SAMD5: variants seen among roughly 807,000 people sequenced by gnomAD.
SAMD5 encodes the protein sterile alpha motif domain containing 5.
SAMD5 carries 13 observed loss-of-function variants against 11.3 expected under a neutral mutation model. The observed-to-expected ratio is 1.15, with a 90% CI of 0.75 to 1.83. The LOEUF (loss-of-function observed/expected upper bound fraction) is 1.83. SAMD5 is among the 40% of genes most tolerant of loss of function. SAMD5 has a pLI of 0.00. For synonymous variants in SAMD5, 129 were observed against 111.3 expected, an observed-to-expected ratio of 1.16 and a Z score of -1.00; for missense variants, 255 against 239.1, an observed-to-expected ratio of 1.07 and a Z score of -0.44.
At chr6:147,805,079 ATC>A in the SAMD5 span, among the ~76,000 whole-genome samples, 2 of 152,220 alleles carry the variant, frequency 1.3e-5, no homozygotes, top group African/African-American at 4.8e-5. Flanking sequence ...ACCCATGGCA[ATC>A]TCTTTCTTTT....
At chr6:147,660,053 A>G (rs1790625802) in intron 1 of SAMD5, among the ~76,000 whole-genome samples, 1 of 152,194 alleles carries the variant, frequency 6.6e-6, no homozygotes, top group Non-Finnish European at 1.5e-5. Context: ...TAGCCTTGCC[A>G]TTAACAACAT....
chr6:147,751,418 C>G, the SAMD5 span, among the ~76,000 whole-genome samples: 1 of 151,978 alleles, frequency 6.6e-6, no homozygotes, highest in African/African-American at 2.4e-5. Flanking sequence ...CTTGTTGTAT[C>G]CTCAGCACCT....
chr6:147,509,410 GC>G (rs778842796), intron 1 of SAMD5, 23 bp downstream of exon 1: 8 of 1,499,174 alleles, frequency 5.3e-6, no homozygotes, highest in Non-Finnish European at 7.1e-6. Context: ...CGTCCGGGCG[GC>G]CCGGGGCGCG....
chr6:147,905,390 A>T, the SAMD5 span, among the ~76,000 whole-genome samples: 1 of 152,148 alleles, frequency 6.6e-6, no homozygotes, highest in Admixed American at 6.5e-5. Context: ...CATGTTGGTC[A>T]GGCTGGGCTC....
chr6:147,528,484 C>A (rs1334812767), intron 1 of SAMD5, among the ~76,000 whole-genome samples: 1 of 152,092 alleles, frequency 6.6e-6, no homozygotes, highest in Non-Finnish European at 1.5e-5. Context: ...TATTGGGACC[C>A]ATCCTGTGAC....
the SAMD5 span, among the ~76,000 whole-genome samples, chr6:147,866,675 A>G: frequency 1.3e-5 from 2 of 152,088 alleles, no homozygotes; most frequent in Non-Finnish European, 2.9e-5. Flanking sequence ...TCTTTTACCC[A>G]CTCAATTTCA....
At chr6:147,923,103 T>C in the SAMD5 span, among the ~76,000 whole-genome samples, 1 of 151,920 alleles carries the variant, frequency 6.6e-6, no homozygotes, top group South Asian at 2.1e-4. Context: ...GAGAAGCAAA[T>C]GGGGTTACCG....
chr6:147,616,536 A>G (rs1789876407), intron 1 of SAMD5, among the ~76,000 whole-genome samples: 1 of 152,062 alleles, frequency 6.6e-6, no homozygotes, highest in Non-Finnish European at 1.5e-5. Flanking sequence ...ATACTTTCAG[A>G]ATATTAATTA....
chr6:147,762,391 G>A, the SAMD5 span, among the ~76,000 whole-genome samples: 1 of 151,746 alleles, frequency 6.6e-6, no homozygotes, highest in Non-Finnish European at 1.5e-5. Flanking sequence ...TAGAGACGGG[G>A]TGTCACCATG....
the SAMD5 span, among the ~76,000 whole-genome samples, chr6:147,921,719 A>G: frequency 1.9e-4 from 29 of 152,296 alleles, no homozygotes; most frequent in South Asian, 6.2e-4. Flanking sequence ...GCAACCACCC[A>G]GCTGACATTT....
At chr6:147,526,178 CTT>C (rs1302559699) in intron 1 of SAMD5, among the ~76,000 whole-genome samples, 1 of 152,188 alleles carries the variant, frequency 6.6e-6, no homozygotes, top group Non-Finnish European at 1.5e-5. Context: ...AGGGAAACCA[CTT>C]TAAAACTGGA....
chr6:147,801,672 T>C, the SAMD5 span, among the ~76,000 whole-genome samples: 1,874 of 152,236 alleles, frequency 0.012, 49 homozygotes, highest in African/African-American at 0.042. Flanking sequence ...CCACATTCAC[T>C]CTGGCTTCTA....
intron 1 of SAMD5, among the ~76,000 whole-genome samples, chr6:147,540,713 T>C (rs1788586336): frequency 6.6e-6 from 1 of 152,040 alleles, no homozygotes; most frequent in Non-Finnish European, 1.5e-5. Flanking sequence ...ATCCTTTTTC[T>C]GTTCATCAAA....
At chr6:147,646,436 A>G (rs1790402908) in intron 1 of SAMD5, among the ~76,000 whole-genome samples, 1 of 152,190 alleles carries the variant, frequency 6.6e-6, no homozygotes, top group Non-Finnish European at 1.5e-5. Flanking sequence ...ATTGGTAACT[A>G]TCACTTCTTA....
the SAMD5 span, among the ~76,000 whole-genome samples, chr6:147,748,393 G>A: frequency 1.3e-5 from 2 of 152,158 alleles, no homozygotes; most frequent in Non-Finnish European, 2.9e-5. Flanking sequence ...CCTCACCTGT[G>A]CCAAGGAAAT....
intron 1 of SAMD5, among the ~76,000 whole-genome samples, chr6:147,615,027 T>C (rs1429243821): frequency 2.0e-5 from 3 of 151,994 alleles, no homozygotes; most frequent in African/African-American, 4.8e-5. Flanking sequence ...ACTATTTACA[T>C]ACCATTTGCA....
At chr6:147,790,766 C>G in the SAMD5 span, among the ~76,000 whole-genome samples, 3 of 86,340 alleles carry the variant, frequency 3.5e-5, no homozygotes, top group Non-Finnish European at 2.2e-5. Flanking sequence ...TTCTCTCTCT[C>G]TCTTTCTCTC....
intron 1 of SAMD5, among the ~76,000 whole-genome samples, chr6:147,576,114 T>A (rs1475912917): frequency 6.6e-6 from 1 of 151,726 alleles, no homozygotes; most frequent in Non-Finnish European, 1.5e-5. Flanking sequence ...GGCCTTTAAA[T>A]ATTAGAATTC....
chr6:147,810,729 A>G, the SAMD5 span, among the ~76,000 whole-genome samples: 2 of 152,186 alleles, frequency 1.3e-5, no homozygotes, highest in Non-Finnish European at 2.9e-5. Context: ...TGAGAACTCT[A>G]TTGGATTTAC....
Sources: allele counts gnomAD v4.1 joint callset (sites outside exome capture counted in the v4.1 genomes callset), GRCh38; gene constraint gnomAD v4.1.1; transcripts MANE v1.5; gene names NCBI Gene and HGNC (gene_info 2026-07-23, HGNC 2026-07-21).